MFAP3L: variants seen among roughly 807,000 people sequenced by gnomAD.
MFAP3L encodes the protein microfibril associated protein 3 like.
MFAP3L carries 5 observed loss-of-function variants against 20.0 expected under a neutral mutation model. The observed-to-expected ratio is 0.25, with a 90% CI of 0.13 to 0.53. MFAP3L has a LOEUF of 0.53. MFAP3L is among the 20% of genes least tolerant of loss of function. MFAP3L has a pLI of 0.96. For synonymous variants in MFAP3L, 219 were observed against 213.0 expected (o/e 1.03, Z -0.25); for missense variants, 409 against 527.5 (o/e 0.78, Z 2.20).
chr4:170,019,364 T>C (rs149597555), intron 1 of MFAP3L, among the ~76,000 whole-genome samples: 13 of 151,924 alleles, frequency 8.6e-5, no homozygotes, highest in African/African-American at 2.9e-4. Flanking sequence ...CTGGGCAACA[T>C]AGCAAGACTT....
At chr4:170,010,397 C>A (rs1024452986) in intron 1 of MFAP3L, among the ~76,000 whole-genome samples, 2 of 152,166 alleles carry the variant, frequency 1.3e-5, no homozygotes, top group Non-Finnish European at 2.9e-5. Context: ...TGGGTCTGAA[C>A]CACTCAGTCC....
At chr4:170,010,146 T>G (rs1342619735) in intron 1 of MFAP3L, among the ~76,000 whole-genome samples, 2 of 152,218 alleles carry the variant, frequency 1.3e-5, no homozygotes, top group African/African-American at 4.8e-5. Flanking sequence ...AAAATACTCA[T>G]TAAGACATGA....
intron 1 of MFAP3L, among the ~76,000 whole-genome samples, chr4:170,015,240 G>T (rs1039783346): frequency 6.6e-6 from 1 of 152,160 alleles, no homozygotes; most frequent in Non-Finnish European, 1.5e-5. Flanking sequence ...AGGAGATGAC[G>T]CCTGGGAGTC....
At position 169,986,825 on chromosome 4, in the gene MFAP3L, T is replaced by TA. The variant is rs2110873892; in HGVS notation, c.*4552dup. On this transcript the variant is annotated 3_prime_UTR_variant, in exon 3 of 3. Coordinates refer to ENST00000361618, the MANE Select transcript of MFAP3L (RefSeq NM_021647.8). ...CAAAGGACATCCAGAACTACTGAAA[T>TA]ACAACAAACGAAATCTAAGTGCAAG... 6.6e-6 allele frequency: 1 copy of TA among 152,338 alleles called. No individual in the cohort carries two copies. The highest frequency in any genetic ancestry group is 2.1e-4 in the South Asian group (1 of 4,834). 9.4% of individuals were successfully genotyped at this position (152,338 alleles called of 1,614,324 possible).
chr4:170,026,337 T>C lies in MFAP3L; in HGVS notation c.-237A>G. 3.1e-6 allele frequency: 3 copies of C among 964,462 alleles called. No homozygotes were observed. Among genetic ancestry groups the C allele is most frequent in the Non-Finnish European group, 3.7e-6 (3 of 811,846 alleles). The allele number at this position is 964,462 out of a possible 1,614,324, so 59.7% of individuals were successfully genotyped here. A position where few individuals can be genotyped will look rare whatever the true frequency, so the allele number is the denominator to read the frequency against. ...TCTGCGCCGGACGCCCGGTAGCGCC[T>C]ACTGCGGGCGAGCCGCCTCCGCCGG... On this transcript the variant is annotated 5_prime_UTR_variant, in exon 1 of 3. Coordinates refer to ENST00000361618, the MANE Select transcript of MFAP3L (RefSeq NM_021647.8).
In MFAP3L at chr4:169,992,021, T is replaced by C. The variant is rs1737744297; in HGVS notation, c.587A>G (p.Glu196Gly). The change falls in exon 3 of 3, where the codon GAG becomes GGG. Residue 196 changes from glutamate to glycine, a missense_variant. Physicochemically the swap from Glu to Gly is moderately conservative, Grantham distance 98 (BLOSUM62 -2). Around this residue, in one of 3 missense-constraint regions of MFAP3L, gnomAD observed 127 missense variants for 218.1 expected, o/e 0.58. Coordinates refer to ENST00000361618, the MANE Select transcript of MFAP3L (RefSeq NM_021647.8). This position sits in a 1 kb window ranked among gnomAD's most constrained non-coding sequence, Gnocchi z 4.3. ...INEFFRTEGA[E>G]KLQKAFEIAK... ...GATCTCAAATGCCTTCTGCAGCTTCTCTGCACCTTCGGTCCTAAAGAACTC... is the reference window on the plus strand; with the variant it reads ...GATCTCAAATGCCTTCTGCAGCTTCCCTGCACCTTCGGTCCTAAAGAACTC... 6.2e-7 allele frequency: 1 copy of C among 1,614,102 alleles called. No individual in the cohort carries two copies. The highest frequency in any genetic ancestry group is 8.5e-7 in the Non-Finnish European group (1 of 1,180,052).
At chr4:169,996,090 G>A (rs916872500) in intron 2 of MFAP3L, among the ~76,000 whole-genome samples, 4 of 144,458 alleles carry the variant, frequency 2.8e-5, no homozygotes, top group African/African-American at 1.0e-4. Flanking sequence ...CACACCTGAG[G>A]CTTTAGGCTA....
At chr4:170,007,590 T>G (rs2111012338) in intron 1 of MFAP3L, among the ~76,000 whole-genome samples, 1 of 152,358 alleles carries the variant, frequency 6.6e-6, no homozygotes, top group South Asian at 2.1e-4. Context: ...GCATCCTTTA[T>G]TGAAATGATG....
chr4:170,013,901 T>C (rs1467401245), intron 1 of MFAP3L, among the ~76,000 whole-genome samples: 4 of 152,198 alleles, frequency 2.6e-5, no homozygotes, highest in Admixed American at 6.5e-5. Context: ...AGAGAGACAT[T>C]TCTCCAGAAA....
chr4:170,015,621 G>A (rs187265262), intron 1 of MFAP3L, among the ~76,000 whole-genome samples: 4 of 152,194 alleles, frequency 2.6e-5, no homozygotes, highest in Admixed American at 6.5e-5. Flanking sequence ...GTATTAGGAC[G>A]CCCCCCATTC....
intron 1 of MFAP3L, among the ~76,000 whole-genome samples, chr4:170,023,173 G>T (rs758639115): frequency 6.6e-6 from 1 of 152,054 alleles, no homozygotes; most frequent in South Asian, 2.1e-4. Flanking sequence ...CCAATCTACG[G>T]GGTTCATTTC....
At chr4:170,020,702 T>C (rs1224539618) in intron 1 of MFAP3L, among the ~76,000 whole-genome samples, 1 of 146,676 alleles carries the variant, frequency 6.8e-6, no homozygotes, top group African/African-American at 2.5e-5. Flanking sequence ...GCAAGTTCTC[T>C]TTCCTCAACT....
At chr4:169,994,186 C>T in intron 2 of MFAP3L, 1 of 985,364 alleles carries the variant, frequency 1.0e-6, no homozygotes. Flanking sequence ...CTTGTAGTTT[C>T]TCATATTTAC....
Position 170,003,996 on chromosome 4 carries a change from G to A in MFAP3L, c.298+1584C>T, listed in dbSNP as rs929091161. Among the ~76,000 whole-genome samples, 6 of 152,186 alleles carry A rather than the reference G, an allele frequency of 3.9e-5. No homozygotes were observed. The South Asian group carries it at 6.2e-4, about 16-fold the overall frequency. On this transcript the variant is annotated intron_variant, in intron 2 of 2. Coordinates refer to ENST00000361618, the MANE Select transcript of MFAP3L (RefSeq NM_021647.8). The stretch of plus-strand genomic sequence containing the variant: ...AATTGAGACAGAGTCTCACTCTGTC[G>A]CCCAGGCTGTAGTGCAGTGGCGTGA...
At chr4:169,999,857 G>C (rs1738488416) in intron 2 of MFAP3L, among the ~76,000 whole-genome samples, 4 of 152,088 alleles carry the variant, frequency 2.6e-5, no homozygotes, top group Admixed American at 2.6e-4. Context: ...GTTACAGCAG[G>C]GTTTCTCAAC....
chr4:170,022,090 G>A (rs1740072913), intron 1 of MFAP3L, among the ~76,000 whole-genome samples: 1 of 152,186 alleles, frequency 6.6e-6, no homozygotes, highest in South Asian at 2.1e-4. Context: ...TACTGTTAGA[G>A]GACAATGAGC....
intron 2 of MFAP3L, chr4:170,005,173 C>T (rs930481876): frequency 3.8e-5 from 7 of 183,606 alleles, no homozygotes; most frequent in African/African-American, 7.1e-5. Flanking sequence ...TTTAAATCCA[C>T]GGCCAATGAA....
intron 2 of MFAP3L, among the ~76,000 whole-genome samples, chr4:170,004,766 A>G (rs879271283): frequency 6.6e-5 from 10 of 152,172 alleles, no homozygotes; most frequent in Non-Finnish European, 1.3e-4. Flanking sequence ...GAAGAAACTA[A>G]TAAGCTGCTA....
At chr4:170,021,496 AGTTTT>A (rs1560992777) in intron 1 of MFAP3L, among the ~76,000 whole-genome samples, 1 of 152,226 alleles carries the variant, frequency 6.6e-6, no homozygotes, top group Non-Finnish European at 1.5e-5. Flanking sequence ...TACAATATAA[AGTTTT>A]GTTTTATTAG....
Sources: allele counts gnomAD v4.1 joint callset (sites outside exome capture counted in the v4.1 genomes callset), GRCh38; gene constraint gnomAD v4.1.1; regional missense constraint gnomAD v4.1.1; non-coding constraint Gnocchi (gnomAD v3.1); transcripts MANE v1.5; gene names NCBI Gene and HGNC (gene_info 2026-07-23, HGNC 2026-07-21).